SUGT1: variants seen among roughly 807,000 people sequenced by gnomAD.
The protein encoded by SUGT1 is protein SGT1 homolog.
SUGT1 carries 15 observed loss-of-function variants against 56.1 expected under a neutral mutation model. The ratio of observed to expected loss-of-function variants is 0.27; its 90% CI spans 0.18 to 0.41. SUGT1 has a LOEUF of 0.41. Among genes scored for constraint, SUGT1 ranks in the 10% least tolerant of loss-of-function variants. The pLI, the probability that SUGT1 is intolerant of heterozygous loss-of-function variation, is 1.00. For synonymous variants in SUGT1, 123 were observed against 128.6 expected (o/e 0.96, Z 0.30); for missense variants, 347 against 382.2 (o/e 0.91, Z 0.77).
chr13:52,679,386 T>C (rs962357824), intron 11 of SUGT1, among the ~76,000 whole-genome samples: 1 of 152,232 alleles, frequency 6.6e-6, no homozygotes, highest in Non-Finnish European at 1.5e-5. Flanking sequence ...TGTAGTACTT[T>C]AAACATTTAG....
chr13:52,656,646 TTC>T (rs1209193415), intron 2 of SUGT1, among the ~76,000 whole-genome samples: 3 of 152,190 alleles, frequency 2.0e-5, no homozygotes, highest in Non-Finnish European at 4.4e-5. Context: ...GAGCCTTACT[TTC>T]TGTTGATTGA....
rs1962304851 is a variant in SUGT1 at position 52,659,125 on chromosome 13, G to A, written c.258-54G>A. 3 of 1,374,182 alleles carry A rather than the reference G, an allele frequency of 2.2e-6. No homozygotes were observed. The African/African-American group carries it at 4.6e-5, about 21-fold the overall frequency. The allele number at this position is 1,374,182 out of a possible 1,614,324, so 85.1% of individuals were successfully genotyped here. A position where few individuals can be genotyped will look rare whatever the true frequency, so the allele number is the denominator to read the frequency against. On this transcript the variant is annotated intron_variant, in intron 4 of 12. Transcript: ENST00000310528. ...TACTAAGTTTTTTATTTAGAAAGAAGGTATTTTCCAGATTTTTTGTGTGTC... is the reference window on the plus strand; with the variant it reads ...TACTAAGTTTTTTATTTAGAAAGAAAGTATTTTCCAGATTTTTTGTGTGTC...
intron 12 of SUGT1, among the ~76,000 whole-genome samples, chr13:52,680,867 G>A (rs911667331): frequency 5.9e-5 from 9 of 152,096 alleles, no homozygotes; most frequent in Non-Finnish European, 1.2e-4. Flanking sequence ...TTAGAGACAA[G>A]GTCTCACTCT....
intron 12 of SUGT1, among the ~76,000 whole-genome samples, chr13:52,686,003 T>C (rs1273589079): frequency 6.6e-6 from 1 of 152,140 alleles, no homozygotes; most frequent in Non-Finnish European, 1.5e-5. Flanking sequence ...TCTCAGCTCA[T>C]TGCAACCTCT....
At chr13:52,658,218 A>ACCT (rs1962255437) in intron 3 of SUGT1, 181 bp from the exon 4 acceptor site, 2 of 1,511,972 alleles carry the variant, frequency 1.3e-6, no homozygotes, top group Non-Finnish European at 1.8e-6. Flanking sequence ...ATGTTAAGCC[A>ACCT]AAAGGAAGGT....
At chr13:52,664,897 A>T (rs1012384253) in intron 8 of SUGT1, among the ~76,000 whole-genome samples, 1 of 152,160 alleles carries the variant, frequency 6.6e-6, no homozygotes, top group Non-Finnish European at 1.5e-5. Flanking sequence ...GGTCCTAGGG[A>T]TATAATAGCG....
chr13:52,659,856 TCTCA>T (rs1962357918), intron 5 of SUGT1, among the ~76,000 whole-genome samples: 1 of 119,458 alleles, frequency 8.4e-6, no homozygotes, highest in Non-Finnish European at 1.6e-5. Context: ...TGAGACGGAG[TCTCA>T]CTCTGTCGCC....
At position 52,665,794 on chromosome 13, in the gene SUGT1, C is replaced by T. The variant is rs546047367; in HGVS notation, c.519+61C>T. The T allele has an allele frequency of 6.5e-5, 72 of 1,105,626 alleles. No individual in the cohort carries two copies. In the East Asian group the frequency reaches 1.7e-3, roughly 26 times the overall value. The allele number at this position is 1,105,626 out of a possible 1,614,324, so 68.5% of individuals were successfully genotyped here. On this transcript the variant is annotated intron_variant, in intron 9 of 12. Transcript: ENST00000310528. Reference sequence around the variant, plus strand: ...TATTATTTGCAAATTTAGTATATTGCAGAATAATCGATAACGGTTTATCAG... The same window carrying T: ...TATTATTTGCAAATTTAGTATATTGTAGAATAATCGATAACGGTTTATCAG...
At chr13:52,655,267 CTGGAGGTGGAGGT>C (rs971843219) in intron 2 of SUGT1, among the ~76,000 whole-genome samples, 1 of 152,170 alleles carries the variant, frequency 6.6e-6, no homozygotes, top group Non-Finnish European at 1.5e-5. Context: ...CACTTGAACC[CTGGAGGTGGAGGT>C]TACAGTGAGC....
At chr13:52,666,125 G>T (rs565912291) in intron 9 of SUGT1, among the ~76,000 whole-genome samples, 12 of 152,284 alleles carry the variant, frequency 7.9e-5, no homozygotes, top group Admixed American at 4.6e-4. Context: ...TCTCGCTCTT[G>T]CGTAGGCTGG....
rs752817871 is a variant in SUGT1 at position 52,665,619 on chromosome 13, CTTT to C, written c.423-8_423-6del. The C allele has an allele frequency of 3.6e-6, 4 of 1,118,232 alleles. No individual in the cohort carries two copies. Among genetic ancestry groups the C allele is most frequent in the South Asian group, 1.7e-5 (1 of 57,302 alleles). 69.3% of individuals were successfully genotyped at this position (1,118,232 alleles called of 1,614,324 possible). On this transcript the variant is annotated splice_polypyrimidine_tract_variant and intron_variant, in intron 8 of 12. Transcript: ENST00000310528. ...AAAATTAGAAGAGTTACCTAAGTTT[CTTT>C]TTTTTTTTTAATAGGTATGACTGGT...
chr13:52,686,638 G>C (rs1963599807), intron 12 of SUGT1, among the ~76,000 whole-genome samples: 1 of 152,176 alleles, frequency 6.6e-6, no homozygotes, highest in African/African-American at 2.4e-5. Flanking sequence ...TTACATTGAG[G>C]TTCCAATGTG....
At chr13:52,657,203 G>C (rs1368744866) in intron 2 of SUGT1, among the ~76,000 whole-genome samples, 1 of 152,102 alleles carries the variant, frequency 6.6e-6, no homozygotes, top group African/African-American at 2.4e-5. Flanking sequence ...TTAGTAGGAG[G>C]AAATCTGTAA....
chr13:52,672,115 C>T (rs1358071163), intron 10 of SUGT1, among the ~76,000 whole-genome samples: 2 of 152,114 alleles, frequency 1.3e-5, no homozygotes, highest in African/African-American at 2.4e-5. Flanking sequence ...TTTATTCGGG[C>T]TGTAAACTCA....
At position 52,693,624 on chromosome 13, in the gene SUGT1, A is replaced by G. The variant is rs1963840327; in HGVS notation, c.*5789A>G. On this transcript the variant is annotated 3_prime_UTR_variant, in exon 13 of 13. Transcript: ENST00000310528. ...GTGTCTATGTAAAGGAGATAATAGG[A>G]TCCCCCTCATGCCTCATGGTCTTAG... 2 of 151,830 alleles carry G rather than the reference A, an allele frequency of 1.3e-5. No homozygotes were observed. Among genetic ancestry groups the G allele is most frequent in the Non-Finnish European group, 2.9e-5 (2 of 68,026 alleles). 9.4% of individuals were successfully genotyped at this position (151,830 alleles called of 1,614,324 possible).
intron 6 of SUGT1, 98 bp from the exon 7 acceptor site, chr13:52,662,998 T>G: frequency 5.1e-6 from 7 of 1,361,518 alleles, no homozygotes; most frequent in Non-Finnish European, 7.1e-6. Context: ...GAGAATTTGC[T>G]TGCTTAATCA....
intron 5 of SUGT1, among the ~76,000 whole-genome samples, chr13:52,661,785 TGTGA>T (rs1423101425): frequency 6.6e-6 from 1 of 152,202 alleles, no homozygotes; most frequent in Admixed American, 6.5e-5. Context: ...ATACAGTGTG[TGTGA>T]GAGTGTATTT....
At chr13:52,684,353 T>G (rs1263135627) in intron 12 of SUGT1, among the ~76,000 whole-genome samples, 1 of 152,206 alleles carries the variant, frequency 6.6e-6, no homozygotes, top group Non-Finnish European at 1.5e-5. Context: ...TAGCTAGATT[T>G]GCTTATGTTA....
rs192531391 is a variant in SUGT1 at position 52,696,955 on chromosome 13, C to T, written c.*9120C>T. The T allele has an allele frequency of 3.4e-3, 481 of 143,548 alleles. 4 individuals carry two copies. The highest frequency in any genetic ancestry group is 9.1e-3 in the African/African-American group (355 of 38,974). The allele number at this position is 143,548 out of a possible 1,614,324, so 8.9% of individuals were successfully genotyped here. ...TTTTTGCTATTTAATTTTGAGATAC[C>T]ATTTTTTGGAGGGGTGTCCTGATTT... On this transcript the variant is annotated 3_prime_UTR_variant, in exon 13 of 13. Transcript: ENST00000310528.
Sources: allele counts gnomAD v4.1 joint callset (sites outside exome capture counted in the v4.1 genomes callset), GRCh38; gene constraint gnomAD v4.1.1; transcripts MANE v1.5; gene names NCBI Gene and HGNC (gene_info 2026-07-23, HGNC 2026-07-21).